Variants in GPR153 observed in about 807,000 individuals in gnomAD.
GPR153 encodes the protein probable G protein-coupled receptor 153.
In GPR153, 27 loss-of-function variants were observed where a neutral mutation model predicts 34.1. The ratio of observed to expected loss-of-function variants is 0.79; its 90% CI spans 0.58 to 1.09. The LOEUF is 1.09. Ranked by LOEUF, GPR153 falls within the 50% of genes least tolerant of loss-of-function variation. The probability of loss-of-function intolerance (pLI) is 0.00; values close to 1 mark genes in which losing one functional copy is unlikely to be tolerated. For missense variants in GPR153, 848 were observed against 860.2 expected (o/e 0.99, Z 0.18); for synonymous variants, 408 against 405.4 (o/e 1.01, Z -0.08).
At chr1:6,253,279 C>G (rs967983171) in intron 3 of GPR153, among the ~76,000 whole-genome samples, 2 of 152,212 alleles carry the variant, frequency 1.3e-5, no homozygotes, top group African/African-American at 4.8e-5. Flanking sequence ...CACCTGTAAT[C>G]CCAGCTACTT....
rs1638401175 is a variant in GPR153 at position 6,249,916 on chromosome 1, C to G, written c.1252G>C (p.Gly418Arg). The change falls in exon 6 of 6, where the codon GGC (glycine) becomes CGC (arginine). Residue 418 changes from glycine to arginine, a missense_variant. Coordinates refer to ENST00000377893, the MANE Select transcript of GPR153 (RefSeq NM_207370.4). This position sits in a 1 kb window ranked among gnomAD's most constrained non-coding sequence, Gnocchi z 4.3. Reference protein sequence around the residue: ...LPAFLPRWGSGEDLAALAHLV... With the variant: ...LPAFLPRWGSREDLAALAHLV... ...TGCGCCAGGGCGGCCAGGTCCTCGCCGGAGCCCCAGCGCGGCAGGAAGGCG... is the reference window on the plus strand; with the variant it reads ...TGCGCCAGGGCGGCCAGGTCCTCGCGGGAGCCCCAGCGCGGCAGGAAGGCG... 6 of 1,287,220 alleles carry G rather than the reference C, an allele frequency of 4.7e-6. No homozygotes were observed. The South Asian group carries it at 8.6e-5, about 18-fold the overall frequency. The allele number at this position is 1,287,220 out of a possible 1,614,324, so 79.7% of individuals were successfully genotyped here.
At chr1:6,257,999 G>A (rs374184224) in intron 1 of GPR153, among the ~76,000 whole-genome samples, 2 of 152,264 alleles carry the variant, frequency 1.3e-5, no homozygotes, top group East Asian at 1.9e-4. Flanking sequence ...TACCAGATAC[G>A]CCCCATGTCC....
At chr1:6,254,441 C>T in intron 2 of GPR153, 109 bp downstream of exon 2, 2 of 1,049,566 alleles carry the variant, frequency 1.9e-6, no homozygotes, top group Non-Finnish European at 2.8e-6. Flanking sequence ...CCTGCCCTCC[C>T]AGCATGCCAC....
chr1:6,254,682 T>C lies in GPR153; in HGVS notation c.224A>G (p.Asp75Gly). The change falls in exon 2 of 6, where the codon GAC (aspartate) becomes GGC (glycine). Residue 75 changes from aspartate to glycine, a missense_variant. By Grantham distance (94) the Asp-to-Gly change is moderately conservative. Coordinates refer to ENST00000377893, the MANE Select transcript of GPR153 (RefSeq NM_207370.4). Reference sequence around the variant, plus strand: ...GCAGAGACCCTCATTCCACTCGAAGTCGGGGCGCTGCCGCCGCAGCTGCAC... The same window carrying C: ...GCAGAGACCCTCATTCCACTCGAAGCCGGGGCGCTGCCGCCGCAGCTGCAC... ...SVVQLRRQRPDFEWNEGLCKV... is the reference protein window; with the variant it reads ...SVVQLRRQRPGFEWNEGLCKV... 4 of 1,613,942 alleles carry C rather than the reference T, an allele frequency of 2.5e-6. No homozygotes were observed. Among genetic ancestry groups the C allele is most frequent in the Non-Finnish European group, 3.4e-6 (4 of 1,179,954 alleles).
At chr1:6,252,113 G>A (rs550689226) in intron 3 of GPR153, among the ~76,000 whole-genome samples, 237 of 152,272 alleles carry the variant, frequency 1.6e-3, no homozygotes, top group African/African-American at 5.4e-3. Flanking sequence ...GATAGCCCTC[G>A]TTGCTCTGTC....
chr1:6,249,543 C>G lies in GPR153; in HGVS notation c.1625G>C (p.Ser542Thr). 1 of 1,198,898 alleles carries G rather than the reference C, an allele frequency of 8.3e-7. No individual in the cohort carries two copies. The allele number at this position is 1,198,898 out of a possible 1,614,324, so 74.3% of individuals were successfully genotyped here. ...TGGCCCTGGGCTCCGCTGGGCGCTG[C>G]TTGGGGGCGTCGGGGCCTCTCCGGG... Reference protein sequence around the residue: ...ADPGEAPTPPSSAQRSPGPRP... With the variant: ...ADPGEAPTPPTSAQRSPGPRP... The change falls in exon 6 of 6, where the codon AGC becomes ACC. Residue 542 changes from serine (S) to threonine (T), a missense_variant. Coordinates refer to ENST00000377893, the MANE Select transcript of GPR153 (RefSeq NM_207370.4). The surrounding 1 kb of genome is among the most constrained non-coding windows in gnomAD (Gnocchi z 4.3).
intron 1 of GPR153, among the ~76,000 whole-genome samples, chr1:6,256,375 C>CTTT (rs70981378): frequency 7.1e-6 from 1 of 141,466 alleles, no homozygotes; most frequent in Non-Finnish European, 1.5e-5. Context: ...TCTTTCTTTT[C>CTTT]TTTTTTTTTT....
chr1:6,252,234 C>G (rs1051223904), intron 3 of GPR153, among the ~76,000 whole-genome samples: 2 of 152,206 alleles, frequency 1.3e-5, no homozygotes, highest in Non-Finnish European at 2.9e-5. Context: ...CTGCTAAACC[C>G]CTTTGGGGCT....
chr1:6,258,381 G>A (rs927825786), intron 1 of GPR153, among the ~76,000 whole-genome samples: 7 of 152,136 alleles, frequency 4.6e-5, no homozygotes, highest in Admixed American at 6.5e-5. Context: ...CACCCGCTTC[G>A]GCCTCCCGAA....
In GPR153 at chr1:6,249,729, G is replaced by A. The variant is rs1050565050; in HGVS notation, c.1439C>T (p.Pro480Leu). The change falls in exon 6 of 6, where the codon CCC becomes CTC. Residue 480 changes from proline to leucine, a missense_variant. Coordinates refer to ENST00000377893, the MANE Select transcript of GPR153 (RefSeq NM_207370.4). This position sits in a 1 kb window ranked among gnomAD's most constrained non-coding sequence, Gnocchi z 4.3. ...CCCGGGGCGGCGGCGCGGGCTGCCG[G>A]GGGGCGAGTCGCGGGCTCCCCGCGG... ...SGPRGARDSP[P>L]GSPRRRPGPG... is the part of the protein sequence containing the mutation. 5.0e-4 allele frequency: 524 copies of A among 1,054,578 alleles called. 11 individuals are homozygous for A. In the South Asian group the frequency reaches 0.018, roughly 35 times the overall value. 65.3% of individuals were successfully genotyped at this position (1,054,578 alleles called of 1,614,324 possible). A position where few individuals can be genotyped will look rare whatever the true frequency, so the allele number is the denominator to read the frequency against.
Position 6,249,457 on chromosome 1 carries a change from C to T in GPR153, c.1711G>A (p.Glu571Lys). The change falls in exon 6 of 6, where the codon GAG becomes AAG. Residue 571 changes from glutamate (E) to lysine (K), a missense_variant. Coordinates refer to ENST00000377893, the MANE Select transcript of GPR153 (RefSeq NM_207370.4). The surrounding 1 kb of genome is among the most constrained non-coding windows in gnomAD (Gnocchi z 4.3). ...CCCGCCGCGCGCAGCCCCCCGGGCT[C>T]GCCCCACGACGCGCTCAGGCCGGGG... Reference protein sequence around the residue: ...LRPGLSASWGEPGGLRAAGGG... With the variant: ...LRPGLSASWGKPGGLRAAGGG... 1 of 1,335,000 alleles carries T rather than the reference C, an allele frequency of 7.5e-7. No homozygotes were observed. The highest frequency in any genetic ancestry group is 9.5e-7 in the Non-Finnish European group (1 of 1,049,096). The allele number at this position is 1,335,000 out of a possible 1,614,324, so 82.7% of individuals were successfully genotyped here. A position where few individuals can be genotyped will look rare whatever the true frequency, so the allele number is the denominator to read the frequency against.
rs1398060836 is a variant in GPR153 at position 6,261,096 on chromosome 1, GC to G, written c.-382del. On this transcript the variant is annotated 5_prime_UTR_variant, in exon 1 of 6. Coordinates refer to ENST00000377893, the MANE Select transcript of GPR153 (RefSeq NM_207370.4). ...CGCCGCTCCGCTGCTGCGCCGGGCG[GC>G]CGGGGGCGGGGGGCGGAGCAGGGCG... 1.3e-5 allele frequency: 2 copies of G among 149,324 alleles called. No homozygotes were observed. The highest frequency in any genetic ancestry group is 3.9e-4 in the East Asian group (2 of 5,114). The allele number at this position is 149,324 out of a possible 1,614,324, so 9.2% of individuals were successfully genotyped here.
In GPR153 at chr1:6,254,966, C is replaced by T. The variant is rs888913310; in HGVS notation, c.-61G>A. On this transcript the variant is annotated 5_prime_UTR_variant, in exon 2 of 6. Coordinates refer to ENST00000377893, the MANE Select transcript of GPR153 (RefSeq NM_207370.4). ...CTCCTTGGAGCCAGGTCTCAGGGAG[C>T]AGCAGCCCTCACTCCTGGTGGCTCA... 7.6e-7 allele frequency: 1 copy of T among 1,316,840 alleles called. No homozygotes were observed. Among genetic ancestry groups the T allele is most frequent in the Non-Finnish European group, 1.0e-6 (1 of 975,854 alleles). The allele number at this position is 1,316,840 out of a possible 1,614,324, so 81.6% of individuals were successfully genotyped here.
At chr1:6,255,532 T>C (rs1436710505) in intron 1 of GPR153, among the ~76,000 whole-genome samples, 6 of 150,962 alleles carry the variant, frequency 4.0e-5, no homozygotes, top group Non-Finnish European at 5.9e-5. Flanking sequence ...TGGAGTGCAG[T>C]GGTGAGATCA....
intron 4 of GPR153, 84 bp from the exon 5 acceptor site, chr1:6,250,708 C>A: frequency 1.4e-6 from 1 of 702,448 alleles, no homozygotes; most frequent in Non-Finnish European, 2.4e-6. Context: ...CCAGGGATCC[C>A]CCTGAGATCC....
rs1638535130 is a variant in GPR153, at chr1:6,255,003, G to A, written c.-98C>T. 9 of 862,234 alleles carry A rather than the reference G, an allele frequency of 1.0e-5. No homozygotes were observed. The South Asian group carries it at 1.4e-4, about 13-fold the overall frequency. The allele number at this position is 862,234 out of a possible 1,614,324, so 53.4% of individuals were successfully genotyped here. On this transcript the variant is annotated 5_prime_UTR_variant, in exon 2 of 6. Coordinates refer to ENST00000377893, the MANE Select transcript of GPR153 (RefSeq NM_207370.4). Reference sequence around the variant, plus strand: ...CTCCTGGTGGCTCAAGGATGCTGGGGACCACGAGCATCTGTGGGGGGGTGG... The same window carrying A: ...CTCCTGGTGGCTCAAGGATGCTGGGAACCACGAGCATCTGTGGGGGGGTGG...
At chr1:6,258,191 G>A (rs142673260) in intron 1 of GPR153, among the ~76,000 whole-genome samples, 3,359 of 152,196 alleles carry the variant, frequency 0.022, 229 homozygotes, top group Admixed American at 0.14. Context: ...ACCCAGGGTG[G>A]ATCTCGGCTC....
At chr1:6,254,171 G>C in intron 2 of GPR153, 24 bp from the exon 3 acceptor site, 2 of 1,587,376 alleles carry the variant, frequency 1.3e-6, no homozygotes. Flanking sequence ...GGGTGGAACA[G>C]AGGGATCTGG....
intron 1 of GPR153, among the ~76,000 whole-genome samples, chr1:6,255,326 G>A (rs910580670): frequency 6.6e-6 from 1 of 151,912 alleles, no homozygotes; most frequent in African/African-American, 2.4e-5. Flanking sequence ...AGCCTCCTGA[G>A]TAGCTGGGAC....
Sources: gnomAD v4.1 joint callset for allele counts (sites outside exome capture counted in the v4.1 genomes callset) on GRCh38, gnomAD v4.1.1 for gene constraint, Gnocchi (gnomAD v3.1) non-coding constraint, MANE v1.5 for transcripts, NCBI Gene and HGNC (gene_info 2026-07-23, HGNC 2026-07-21) for gene names.